The following ATG5 variants were observed in gnomAD, a reference collection of about 807,000 sequenced individuals.
ATG5 encodes autophagy related 5.
In ATG5, 14 loss-of-function variants were observed where a neutral mutation model predicts 36.5. That is an observed-to-expected ratio of 0.38 (90% CI 0.25 to 0.60). ATG5 has a LOEUF of 0.60. ATG5 is among the 20% of genes least tolerant of loss of function. The pLI, the probability that ATG5 is intolerant of heterozygous loss-of-function variation, is 0.60. For synonymous variants in ATG5, 95 were observed against 101.5 expected (o/e 0.94, Z 0.38); for missense variants, 195 against 326.7 (o/e 0.60, Z 3.11).
At chr6:106,256,253 C>G (rs1778795016) in intron 5 of ATG5, among the ~76,000 whole-genome samples, 1 of 152,170 alleles carries the variant, frequency 6.6e-6, no homozygotes. Flanking sequence ...TGATTATCCA[C>G]TGACAAATAA....
intron 7 of ATG5, among the ~76,000 whole-genome samples, chr6:106,200,780 CTCTATGCAATTTTTATG>C (rs1472302153): frequency 6.6e-6 from 1 of 152,114 alleles, no homozygotes; most frequent in Non-Finnish European, 1.5e-5. Context: ...ACCCGACCAA[CTCTATGCAATTTTTATG>C]TCAATACAGT....
chr6:106,197,023 G>A lies in ATG5; in HGVS notation c.691+4949C>T, dbSNP rs145485614. On this transcript the variant is annotated intron_variant, in intron 7 of 7. Coordinates refer to ENST00000369076, the MANE Select transcript of ATG5 (RefSeq NM_004849.4). ...AGACCCCCCACTTATATAAACTTGG[G>A]ACTAGCAAATATGGATCATTTTGTG... is the stretch of plus-strand genomic sequence containing the variant. Among the ~76,000 whole-genome samples, 481 of 152,286 alleles carry A rather than the reference G, an allele frequency of 3.2e-3. 3 individuals carry two copies. Among genetic ancestry groups the A allele is most frequent in the African/African-American group, 0.011 (451 of 41,562 alleles).
chr6:106,261,645 T>C (rs1260137853), intron 5 of ATG5, among the ~76,000 whole-genome samples: 1 of 152,226 alleles, frequency 6.6e-6, no homozygotes, highest in African/African-American at 2.4e-5. Flanking sequence ...AGAAGCAGTT[T>C]TACCTATTAA....
chr6:106,202,196 G>A (rs892602624), intron 6 of ATG5, 107 bp from the exon 7 acceptor site: 10 of 757,346 alleles, frequency 1.3e-5, no homozygotes, highest in East Asian at 5.2e-5. Flanking sequence ...CTTTTGATAC[G>A]GTGTTAGCAT....
intron 5 of ATG5, among the ~76,000 whole-genome samples, chr6:106,272,476 T>C (rs1160129536): frequency 6.6e-6 from 1 of 152,246 alleles, no homozygotes; most frequent in East Asian, 1.9e-4. Flanking sequence ...CAGAACTTAG[T>C]AGGCTCTTTG....
intron 4 of ATG5, among the ~76,000 whole-genome samples, chr6:106,281,605 A>T (rs528847812): frequency 1.3e-5 from 2 of 152,318 alleles, no homozygotes; most frequent in East Asian, 3.9e-4. Flanking sequence ...TTGTTTCTAG[A>T]TACTGGCTAT....
intron 6 of ATG5, 72 bp from the exon 7 acceptor site, chr6:106,202,161 T>C: frequency 8.3e-7 from 1 of 1,205,200 alleles, no homozygotes; most frequent in Non-Finnish European, 1.2e-6. Flanking sequence ...TTATATATCA[T>C]AAACTTTATG....
chr6:106,278,179 G>A (rs1779736042), intron 5 of ATG5, among the ~76,000 whole-genome samples: 1 of 152,112 alleles, frequency 6.6e-6, no homozygotes, highest in African/African-American at 2.4e-5. Context: ...AGCCTCAAGT[G>A]ATCCTCCCAG....
At chr6:106,305,961 G>A (rs1201452483) in intron 3 of ATG5, among the ~76,000 whole-genome samples, 1 of 152,122 alleles carries the variant, frequency 6.6e-6, no homozygotes, top group Admixed American at 6.5e-5. Context: ...TATATATGGA[G>A]TACTTAAAAA....
chr6:106,241,421 G>A (rs1424143928), intron 6 of ATG5, among the ~76,000 whole-genome samples: 1 of 152,060 alleles, frequency 6.6e-6, no homozygotes, highest in Non-Finnish European at 1.5e-5. Flanking sequence ...CAGCTACTAC[G>A]GAAAACAGTA....
At chr6:106,313,720 A>G (rs1045537351) in intron 2 of ATG5, among the ~76,000 whole-genome samples, 2 of 152,184 alleles carry the variant, frequency 1.3e-5, no homozygotes, top group Non-Finnish European at 2.9e-5. Flanking sequence ...TATATGTACT[A>G]TTAATATTAA....
intron 7 of ATG5, among the ~76,000 whole-genome samples, chr6:106,197,288 A>G (rs1208251414): frequency 1.3e-5 from 2 of 152,208 alleles, no homozygotes; most frequent in Non-Finnish European, 2.9e-5. Flanking sequence ...TTGTGAAGCT[A>G]AAGTGGGAGT....
chr6:106,203,781 A>G (rs149284209), intron 6 of ATG5, among the ~76,000 whole-genome samples: 58 of 152,280 alleles, frequency 3.8e-4, no homozygotes, highest in African/African-American at 1.3e-3. Context: ...GGGTCTCACT[A>G]TGTTGCCCAG....
At chr6:106,251,672 AG>A (rs1301737955) in intron 5 of ATG5, among the ~76,000 whole-genome samples, 3 of 12,706 alleles carry the variant, frequency 2.4e-4, no homozygotes, top group African/African-American at 8.4e-4. Context: ...AGGGAGGGGG[AG>A]GGGGAGAGAA....
intron 3 of ATG5, among the ~76,000 whole-genome samples, chr6:106,298,621 T>C (rs1770077160): frequency 1.3e-5 from 2 of 152,196 alleles, no homozygotes; most frequent in African/African-American, 4.8e-5. Flanking sequence ...ATCATCCTGT[T>C]ATGATTTTTT....
At chr6:106,319,127 T>G (rs1770969103) in intron 1 of ATG5, among the ~76,000 whole-genome samples, 1 of 152,188 alleles carries the variant, frequency 6.6e-6, no homozygotes, top group East Asian at 1.9e-4. Context: ...AAAACAGCAC[T>G]TACCACATTA....
At chr6:106,226,276 A>G (rs1401450297) in intron 6 of ATG5, among the ~76,000 whole-genome samples, 2 of 152,250 alleles carry the variant, frequency 1.3e-5, no homozygotes, top group Admixed American at 6.5e-5. Flanking sequence ...TTAGTTCAGG[A>G]AAGAAACTAA....
intron 4 of ATG5, among the ~76,000 whole-genome samples, chr6:106,284,821 T>C (rs182923882): frequency 6.6e-6 from 1 of 152,196 alleles, no homozygotes; most frequent in Admixed American, 6.5e-5. Flanking sequence ...GAAATGTCTA[T>C]TCGAATCCTT....
chr6:106,203,526 T>C (rs1776518589), intron 6 of ATG5, among the ~76,000 whole-genome samples: 1 of 152,214 alleles, frequency 6.6e-6, no homozygotes, highest in Non-Finnish European at 1.5e-5. Flanking sequence ...TATTTCACTT[T>C]AAGATGGTAA....
Sources: gnomAD v4.1 joint callset for allele counts (sites outside exome capture counted in the v4.1 genomes callset) on GRCh38, gnomAD v4.1.1 for gene constraint, MANE v1.5 for transcripts, NCBI Gene and HGNC (gene_info 2026-07-23, HGNC 2026-07-21) for gene names.